The following GRIK2 variants were observed in gnomAD, a reference collection of about 807,000 sequenced individuals.
GRIK2 encodes glutamate ionotropic receptor kainate type subunit 2, also known as glutamate receptor ionotropic, kainate 2.
In GRIK2, 32 loss-of-function variants were observed where a neutral mutation model predicts 100.3. That is an observed-to-expected ratio of 0.32 (90% confidence interval 0.24 to 0.43). The LOEUF is 0.43. Among genes scored for constraint, GRIK2 ranks in the 20% least tolerant of loss-of-function variants. The pLI is 1.00. For synonymous variants in GRIK2, 417 were observed against 389.4 expected, an observed-to-expected ratio of 1.07 and a Z score of -0.83; for missense variants, 843 against 1,114.9, an observed-to-expected ratio of 0.76 and a Z score of 3.47.
At chr6:101,493,286 A>G (rs993009490) in intron 2 of GRIK2, among the ~76,000 whole-genome samples, 1 of 151,860 alleles carries the variant, frequency 6.6e-6, no homozygotes, top group African/African-American at 2.4e-5. Flanking sequence ...AATCTAACAA[A>G]AAAGAAATTC....
intron 7 of GRIK2, among the ~76,000 whole-genome samples, chr6:101,759,958 T>TGCAAGCTCCGC (rs61698221): frequency 3.0e-4 from 38 of 126,740 alleles, no homozygotes; most frequent in South Asian, 1.0e-3. Flanking sequence ...CTCGGCTCAC[T>TGCAAGCTCCGC]TCCCGGGTTC....
chr6:101,458,026 A>G (rs1771100390), intron 2 of GRIK2, among the ~76,000 whole-genome samples: 1 of 151,890 alleles, frequency 6.6e-6, no homozygotes, highest in Non-Finnish European at 1.5e-5. Flanking sequence ...ATTTTTAAAG[A>G]CTTGTTGAAA....
chr6:101,964,705 T>C (rs1455608361), intron 14 of GRIK2, among the ~76,000 whole-genome samples: 1 of 152,214 alleles, frequency 6.6e-6, no homozygotes. Flanking sequence ...AGGGAAATTC[T>C]GGCCTGGGGA....
intron 4 of GRIK2, among the ~76,000 whole-genome samples, chr6:101,671,499 T>G (rs2128338042): frequency 6.6e-6 from 1 of 152,272 alleles, no homozygotes; most frequent in Non-Finnish European, 1.5e-5. Flanking sequence ...CCTCATTCAA[T>G]CTGTTGTAAC....
At chr6:102,025,200 A>T (rs1211792110) in intron 14 of GRIK2, among the ~76,000 whole-genome samples, 1 of 150,880 alleles carries the variant, frequency 6.6e-6, no homozygotes, top group Non-Finnish European at 1.5e-5. Flanking sequence ...TCATTTATCC[A>T]TTTTTTTCTA....
In GRIK2 at chr6:101,541,367, C is replaced by T. The variant is rs561570625; in HGVS notation, c.116-80582C>T. On this transcript the variant is annotated intron_variant, in intron 2 of 16. Transcript: ENST00000369134. Reference sequence around the variant, plus strand: ...CCGGGTAACAGATGTTACACCCCAGCGCACACAACCACACACACACACACA... The same window carrying T: ...CCGGGTAACAGATGTTACACCCCAGTGCACACAACCACACACACACACACA... 6.7e-3 allele frequency among the ~76,000 whole-genome samples: 4 copies of T among 598 alleles called. No homozygotes were observed. In the East Asian group the frequency reaches 0.3, roughly 45 times the overall value. 0.4% of individuals were successfully genotyped at this position (598 alleles called of 152,430 possible). A position where few individuals can be genotyped will look rare whatever the true frequency, so the allele number is the denominator to read the frequency against.
intron 4 of GRIK2, among the ~76,000 whole-genome samples, chr6:101,669,867 C>G (rs546996040): frequency 2.7e-4 from 41 of 151,800 alleles, no homozygotes; most frequent in African/African-American, 9.4e-4. Flanking sequence ...ATCTAAATGT[C>G]AGGGAATAAG....
intron 11 of GRIK2, among the ~76,000 whole-genome samples, chr6:101,874,736 G>T (rs1333233266): frequency 6.6e-6 from 1 of 150,448 alleles, no homozygotes; most frequent in Admixed American, 6.7e-5. Flanking sequence ...TGAGCATGGA[G>T]TGTTCTTCCA....
At chr6:101,987,661 GTTATA>G (rs1472062425) in intron 14 of GRIK2, among the ~76,000 whole-genome samples, 5 of 149,832 alleles carry the variant, frequency 3.3e-5, no homozygotes, top group African/African-American at 9.7e-5. Flanking sequence ...TAAGTATATA[GTTATA>G]TTTAATTATA....
intron 16 of GRIK2, chr6:102,065,864 C>CA: frequency 6.8e-7 from 1 of 1,465,058 alleles, no homozygotes; most frequent in Non-Finnish European, 9.1e-7. Context: ...TCCATTTCTA[C>CA]AGTGTTGTCA....
chr6:102,050,377 A>C (rs937503939), intron 15 of GRIK2, among the ~76,000 whole-genome samples: 19 of 151,872 alleles, frequency 1.3e-4, no homozygotes, highest in African/African-American at 3.9e-4. Context: ...ACAGGGCCCC[A>C]GCACGGTGGC....
chr6:102,035,285 C>T (rs908726341), intron 14 of GRIK2, 56 bp from the exon 15 acceptor site: 1 of 901,956 alleles, frequency 1.1e-6, no homozygotes, highest in Non-Finnish European at 1.8e-6. Context: ...ATTATAGGAG[C>T]ACATGGAAAC....
At chr6:101,758,856 CAAAAT>C (rs762852773) in intron 7 of GRIK2, among the ~76,000 whole-genome samples, 6 of 151,840 alleles carry the variant, frequency 4.0e-5, no homozygotes, top group Non-Finnish European at 5.9e-5. Flanking sequence ...TTTTTGGAGA[CAAAAT>C]AAATAAACTT....
At chr6:101,985,516 A>G (rs1723971709) in intron 14 of GRIK2, among the ~76,000 whole-genome samples, 1 of 151,750 alleles carries the variant, frequency 6.6e-6, no homozygotes, top group Admixed American at 6.6e-5. Flanking sequence ...TATCCCTGCA[A>G]GTTTGGGACC....
At chr6:102,003,821 G>T (rs1306015208) in intron 14 of GRIK2, among the ~76,000 whole-genome samples, 2 of 151,616 alleles carry the variant, frequency 1.3e-5, no homozygotes, top group Non-Finnish European at 3.0e-5. Context: ...CTTTTTAAGA[G>T]AATTCAGAAC....
chr6:101,485,599 G>T (rs994129920), intron 2 of GRIK2, among the ~76,000 whole-genome samples: 1 of 152,078 alleles, frequency 6.6e-6, no homozygotes, highest in African/African-American at 2.4e-5. Context: ...AACTCTTACA[G>T]AATTTAGAAA....
chr6:101,586,695 C>G lies in GRIK2; in HGVS notation c.116-35254C>G, dbSNP rs187897203. Reference sequence around the variant, plus strand: ...ACGAGCCTGGCCAATATGGCAAAACCCCATCTCTACTAAAAATAAAATTAA... The same window carrying G: ...ACGAGCCTGGCCAATATGGCAAAACGCCATCTCTACTAAAAATAAAATTAA... On this transcript the variant is annotated intron_variant, in intron 2 of 16. Coordinates refer to ENST00000369134, the MANE Select transcript of GRIK2 (RefSeq NM_021956.5). Among the ~76,000 whole-genome samples the G allele has an allele frequency of 2.4e-4, 36 of 150,928 alleles. No homozygotes were observed. The East Asian group carries it at 5.6e-3, about 24-fold the overall frequency.
chr6:101,525,595 T>A (rs894768736), intron 2 of GRIK2, among the ~76,000 whole-genome samples: 3 of 152,210 alleles, frequency 2.0e-5, no homozygotes, highest in African/African-American at 4.8e-5. Flanking sequence ...AAAGGACCCA[T>A]TCTTGAATTT....
At chr6:101,961,456 C>A (rs1206945176) in intron 14 of GRIK2, among the ~76,000 whole-genome samples, 2 of 152,034 alleles carry the variant, frequency 1.3e-5, no homozygotes, top group Admixed American at 6.5e-5. Flanking sequence ...CATGCCAACG[C>A]CCCCCACGAA....
Sources: gnomAD v4.1 joint callset for allele counts (sites outside exome capture counted in the v4.1 genomes callset) on GRCh38, gnomAD v4.1.1 for gene constraint, MANE v1.5 for transcripts, NCBI Gene and HGNC (gene_info 2026-07-23, HGNC 2026-07-21) for gene names.